Variants in SGSM1 observed in about 807,000 individuals in gnomAD.
SGSM1 encodes small G protein signaling modulator 1.
A neutral mutation model predicts 133.8 loss-of-function variants in SGSM1; 73 were observed. The observed-to-expected ratio is 0.55, with a 90% CI of 0.45 to 0.66. The LOEUF is 0.66. Among genes scored for constraint, SGSM1 ranks in the 30% least tolerant of loss-of-function variants. The pLI is 0.00. For missense variants in SGSM1, 1,213 were observed against 1,448.1 expected, an observed-to-expected ratio of 0.84 and a Z score of 2.64; for synonymous variants, 563 against 573.0, an observed-to-expected ratio of 0.98 and a Z score of 0.25.
chr22:24,893,627 G>A lies in SGSM1; in HGVS notation c.1953+14G>A. On this transcript the variant is annotated intron_variant, in intron 17 of 24. Coordinates refer to ENST00000400358, the MANE Select transcript of SGSM1 (RefSeq NM_001098497.3). ...ATCAGCAATGAGGTGATGGGCGGCT[G>A]GCCTCGGGGAGCGCGGGGGCTGGGG... 1.9e-6 allele frequency: 3 copies of A among 1,546,198 alleles called. No individual in the cohort carries two copies. Among genetic ancestry groups the A allele is most frequent in the Non-Finnish European group, 2.6e-6 (3 of 1,146,720 alleles).
At chr22:24,884,336 C>A in intron 15 of SGSM1, 138 bp downstream of exon 15, 1 of 1,166,478 alleles carries the variant, frequency 8.6e-7, no homozygotes. Context: ...TTGGAGTTCC[C>A]CTTCTCCTTG....
intron 19 of SGSM1, among the ~76,000 whole-genome samples, chr22:24,900,429 C>T (rs545730653): frequency 1.6e-4 from 23 of 140,806 alleles, no homozygotes; most frequent in South Asian, 1.3e-3. Flanking sequence ...GACAGAGTTT[C>T]GCTCTTGTTG....
At chr22:24,870,201 A>T (rs969388294) in intron 12 of SGSM1, among the ~76,000 whole-genome samples, 6 of 152,178 alleles carry the variant, frequency 3.9e-5, no homozygotes, top group Non-Finnish European at 5.9e-5. Context: ...CAGCCACTCC[A>T]TGGAACCAGG....
At chr22:24,863,619 G>T (rs551127036) in intron 9 of SGSM1, among the ~76,000 whole-genome samples, 1 of 152,204 alleles carries the variant, frequency 6.6e-6, no homozygotes, top group South Asian at 2.1e-4. Flanking sequence ...AGTCAGAAAT[G>T]TGGGGGTTGG....
rs1265224099 is a variant in SGSM1 at position 24,851,104 on chromosome 22, AAAAAAAAAAAAAAAAG to A, written c.455+680_455+695del. 2.1e-5 allele frequency among the ~76,000 whole-genome samples: 3 copies of A among 144,114 alleles called. No homozygotes were observed. In the East Asian group the frequency reaches 7.0e-4, roughly 34 times the overall value. The allele number at this position is 144,114 out of a possible 152,430, so 94.5% of individuals were successfully genotyped here. ...CAACAGAGCAAGACTCCATCTCAAAAAAAAAAAAAAAAAAAGAAAAAAAGAAAATGCATGGTGAGCC... is the reference window on the plus strand; with the variant it reads ...CAACAGAGCAAGACTCCATCTCAAAAAAAAAAAGAAAATGCATGGTGAGCC... On this transcript the variant is annotated intron_variant, in intron 5 of 24. Coordinates refer to ENST00000400358, the MANE Select transcript of SGSM1 (RefSeq NM_001098497.3).
chr22:24,911,781 G>A (rs566870122), intron 21 of SGSM1, among the ~76,000 whole-genome samples: 5 of 152,260 alleles, frequency 3.3e-5, no homozygotes, highest in South Asian at 2.1e-4. Flanking sequence ...GTCTCTAGGC[G>A]CGGTGGCTCA....
intron 24 of SGSM1, among the ~76,000 whole-genome samples, chr22:24,923,233 G>A (rs1934074111): frequency 1.3e-5 from 2 of 152,148 alleles, no homozygotes; most frequent in African/African-American, 4.8e-5. Flanking sequence ...CAACTTAGAT[G>A]GAGTATTCCC....
chr22:24,851,132 A>G (rs1930441900), intron 5 of SGSM1, among the ~76,000 whole-genome samples: 3 of 151,684 alleles, frequency 2.0e-5, no homozygotes, highest in South Asian at 4.2e-4. Context: ...AAAAAAGAAA[A>G]TGCATGGTGA....
In SGSM1 at chr22:24,926,798, G is replaced by A. The variant is rs1436064678; in HGVS notation, c.*2524G>A. The stretch of plus-strand genomic sequence containing the variant: ...ATATCTTGTAAATGTTTGCTGAAGA[G>A]TTGTGTCTATATATAGAGAAAATAT... On this transcript the variant is annotated 3_prime_UTR_variant, in exon 25 of 25. Transcript: ENST00000400358. The A allele has an allele frequency of 2.0e-5, 3 of 151,748 alleles. No individual in the cohort carries two copies. Among genetic ancestry groups the A allele is most frequent in the African/African-American group, 7.3e-5 (3 of 41,278 alleles). The allele number at this position is 151,748 out of a possible 1,614,324, so 9.4% of individuals were successfully genotyped here.
At chr22:24,814,877 A>G (rs1927974338) in intron 2 of SGSM1, among the ~76,000 whole-genome samples, 2 of 152,190 alleles carry the variant, frequency 1.3e-5, no homozygotes, top group Admixed American at 1.3e-4. Context: ...GGCTGGCTGC[A>G]TCGCCATCAT....
intron 2 of SGSM1, among the ~76,000 whole-genome samples, chr22:24,809,318 T>C (rs1927599492): frequency 1.3e-5 from 2 of 152,256 alleles, no homozygotes; most frequent in Admixed American, 1.3e-4. Context: ...GAGCCACATC[T>C]CTGCCTGTCA....
At chr22:24,836,418 A>G (rs1929433563) in intron 2 of SGSM1, among the ~76,000 whole-genome samples, 2 of 152,242 alleles carry the variant, frequency 1.3e-5, no homozygotes, top group Admixed American at 6.5e-5. Flanking sequence ...GAACATGGGT[A>G]TACAAATATG....
intron 2 of SGSM1, among the ~76,000 whole-genome samples, chr22:24,826,351 A>G (rs762668058): frequency 6.6e-6 from 1 of 152,208 alleles, no homozygotes; most frequent in Non-Finnish European, 1.5e-5. Context: ...GTCCTACCCC[A>G]AACCCTAAAA....
intron 9 of SGSM1, among the ~76,000 whole-genome samples, 162 bp downstream of exon 9, chr22:24,860,002 GC>G (rs1387235599): frequency 6.6e-6 from 1 of 152,134 alleles, no homozygotes; most frequent in East Asian, 1.9e-4. Context: ...CGCAGCTGTG[GC>G]CTCCCAGGAA....
intron 8 of SGSM1, among the ~76,000 whole-genome samples, chr22:24,859,352 A>G (rs1189049430): frequency 6.6e-6 from 1 of 152,132 alleles, no homozygotes; most frequent in Non-Finnish European, 1.5e-5. Context: ...AGCCTAGCCA[A>G]GATAAATGCC....
chr22:24,851,443 G>GA (rs1491421521), intron 5 of SGSM1, among the ~76,000 whole-genome samples: 3 of 123,882 alleles, frequency 2.4e-5, no homozygotes, highest in African/African-American at 1.0e-4. Context: ...GGAGGGGGGG[G>GA]TGGGGGGAGA....
intron 24 of SGSM1, among the ~76,000 whole-genome samples, chr22:24,923,489 C>T (rs2024649): frequency 0.2 from 30,719 of 152,060 alleles, 3,963 homozygotes; most frequent in East Asian, 0.55. Context: ...TCCCTTTCTC[C>T]TCTTCCTTCT....
At chr22:24,837,477 G>C (rs549740661) in intron 2 of SGSM1, among the ~76,000 whole-genome samples, 84 of 152,224 alleles carry the variant, frequency 5.5e-4, no homozygotes, top group African/African-American at 1.8e-3. Context: ...CAGGGAGACG[G>C]TTAGGCCTCC....
In SGSM1 at chr22:24,868,745, G is replaced by T; in HGVS notation, c.1181G>T (p.Arg394Leu). The T allele has an allele frequency of 6.2e-7, 1 of 1,613,988 alleles. No individual in the cohort carries two copies. The highest frequency in any genetic ancestry group is 8.5e-7 in the Non-Finnish European group (1 of 1,179,890). Reference sequence around the variant, plus strand: ...CAGGGCAAAGTGTTTCCTAAACTGCGCAAGCGAAGCCCTCAGGGTTCTGCC... The same window carrying T: ...CAGGGCAAAGTGTTTCCTAAACTGCTCAAGCGAAGCCCTCAGGGTTCTGCC... Reference protein sequence around the residue: ...RGKGKVFPKLRKRSPQGSAES... With the variant: ...RGKGKVFPKLLKRSPQGSAES... Residue 394 changes from arginine (R) to leucine (L), a missense_variant, in exon 12 of 25, where the codon CGC becomes CTC. Coordinates refer to ENST00000400358, the MANE Select transcript of SGSM1 (RefSeq NM_001098497.3).
Sources: gnomAD v4.1 joint callset for allele counts (sites outside exome capture counted in the v4.1 genomes callset) on GRCh38, gnomAD v4.1.1 for gene constraint, MANE v1.5 for transcripts, NCBI Gene and HGNC (gene_info 2026-07-23, HGNC 2026-07-21) for gene names.